The following COG5 variants were observed in gnomAD, a reference collection of about 807,000 sequenced individuals.
COG5 encodes component of oligomeric golgi complex 5, also known as conserved oligomeric Golgi complex subunit 5.
COG5 carries 86 observed loss-of-function variants against 110.4 expected under a neutral mutation model. The ratio of observed to expected loss-of-function variants is 0.78; its 90% CI spans 0.65 to 0.93. The LOEUF is 0.93. Among genes scored for constraint, COG5 ranks in the 40% least tolerant of loss-of-function variants. COG5 has a pLI of 0.00. For synonymous variants in COG5, 360 were observed against 334.6 expected (o/e 1.08, Z -0.83); for missense variants, 1,077 against 987.0 (o/e 1.09, Z -1.22).
intron 6 of COG5, among the ~76,000 whole-genome samples, chr7:107,521,967 G>A (rs1800350747): frequency 6.6e-6 from 1 of 152,148 alleles, no homozygotes; most frequent in South Asian, 2.1e-4. Flanking sequence ...CATGTCCTTG[G>A]CAGGGACATG....
intron 8 of COG5, among the ~76,000 whole-genome samples, chr7:107,369,775 C>T (rs1485039160): frequency 1.3e-5 from 2 of 152,116 alleles, no homozygotes; most frequent in Non-Finnish European, 2.9e-5. Flanking sequence ...AACACATTTT[C>T]CACCTTAGAG....
chr7:107,448,644 C>T (rs1300275077), intron 6 of COG5, among the ~76,000 whole-genome samples: 1 of 151,790 alleles, frequency 6.6e-6, no homozygotes, highest in Non-Finnish European at 1.5e-5. Context: ...TATACAGTTT[C>T]CTATTAGCTC....
chr7:107,402,564 A>G (rs1216887756), intron 7 of COG5, among the ~76,000 whole-genome samples: 2 of 152,194 alleles, frequency 1.3e-5, no homozygotes, highest in African/African-American at 4.8e-5. Context: ...TATTTTTGAA[A>G]GCTAGTTAAA....
At chr7:107,263,657 T>G (rs761875447) in intron 14 of COG5, among the ~76,000 whole-genome samples, 2 of 152,226 alleles carry the variant, frequency 1.3e-5, no homozygotes, top group Non-Finnish European at 2.9e-5. Context: ...ATAATTCTTA[T>G]GTGCAAATGA....
chr7:107,511,045 A>G (rs951605487), intron 6 of COG5, among the ~76,000 whole-genome samples: 1 of 150,358 alleles, frequency 6.7e-6, no homozygotes, highest in African/African-American at 2.4e-5. Context: ...AACTAAAATC[A>G]GAGCAGAACT....
Position 107,548,195 on chromosome 7 carries a change from A to T in COG5, c.348-15T>A. Reference sequence around the variant, plus strand: ...TTGCTTTTATCCTACAGGAAAAGAGAGGAGTGAGAATAAAATCATTTTCAG... The same window carrying T: ...TTGCTTTTATCCTACAGGAAAAGAGTGGAGTGAGAATAAAATCATTTTCAG... On this transcript the variant is annotated splice_polypyrimidine_tract_variant and intron_variant, in intron 4 of 21. Coordinates refer to ENST00000297135, the MANE Select transcript of COG5 (RefSeq NM_006348.5). The T allele has an allele frequency of 6.2e-7, 1 of 1,611,148 alleles. No homozygotes were observed. The highest frequency in any genetic ancestry group is 8.5e-7 in the Non-Finnish European group (1 of 1,177,322).
At chr7:107,537,295 T>C (rs1258603526) in intron 5 of COG5, among the ~76,000 whole-genome samples, 1 of 152,180 alleles carries the variant, frequency 6.6e-6, no homozygotes, top group African/African-American at 2.4e-5. Flanking sequence ...CACACGTATG[T>C]TTACTGCAAC....
intron 16 of COG5, among the ~76,000 whole-genome samples, chr7:107,254,507 TGC>T (rs1802742544): frequency 1.3e-5 from 2 of 152,142 alleles, no homozygotes; most frequent in Non-Finnish European, 2.9e-5. Context: ...ATGAGGCCAC[TGC>T]AGGAGGGCCT....
intron 6 of COG5, among the ~76,000 whole-genome samples, chr7:107,505,783 G>C (rs1176049872): frequency 6.6e-6 from 1 of 152,128 alleles, no homozygotes; most frequent in Non-Finnish European, 1.5e-5. Context: ...CCTTGATGTG[G>C]TACACTCTCC....
chr7:107,257,069 A>G (rs576792181), intron 15 of COG5, among the ~76,000 whole-genome samples: 1 of 152,160 alleles, frequency 6.6e-6, no homozygotes, highest in Non-Finnish European at 1.5e-5. Context: ...TTTTAATTAT[A>G]AAGTTTTAAC....
intron 21 of COG5, among the ~76,000 whole-genome samples, chr7:107,204,248 ACTGC>A (rs1177449951): frequency 6.6e-6 from 1 of 152,158 alleles, no homozygotes; most frequent in African/African-American, 2.4e-5. Context: ...GGGTTAGCAA[ACTGC>A]CTGCAGGCTG....
At chr7:107,443,603 G>C (rs1383487375) in intron 6 of COG5, among the ~76,000 whole-genome samples, 1 of 151,742 alleles carries the variant, frequency 6.6e-6, no homozygotes, top group Non-Finnish European at 1.5e-5. Context: ...ATAGAGGAGA[G>C]ACTTTAAATT....
intron 14 of COG5, among the ~76,000 whole-genome samples, chr7:107,269,269 A>G (rs1414798468): frequency 1.3e-5 from 2 of 152,096 alleles, no homozygotes; most frequent in African/African-American, 4.8e-5. Flanking sequence ...AGGTCACAAG[A>G]TTGAGACCAT....
intron 6 of COG5, among the ~76,000 whole-genome samples, chr7:107,425,029 T>C (rs1210050683): frequency 2.0e-5 from 3 of 152,142 alleles, no homozygotes; most frequent in Non-Finnish European, 4.4e-5. Flanking sequence ...CTGTGCACAA[T>C]GAACATCCAA....
At position 107,240,074 on chromosome 7, in the gene COG5, G is replaced by A. The variant is rs75485443; in HGVS notation, c.1854-3387C>T. Among the ~76,000 whole-genome samples the A allele has an allele frequency of 8.3e-3, 1,268 of 152,160 alleles. 23 individuals carry two copies. Among genetic ancestry groups the A allele is most frequent in the African/African-American group, 0.028 (1,156 of 41,506 alleles). ...AATCAGATATGAGTCACTTTACATGGACTGCAACAATTTTAATCAATGTTC... is the reference window on the plus strand; with the variant it reads ...AATCAGATATGAGTCACTTTACATGAACTGCAACAATTTTAATCAATGTTC... On this transcript the variant is annotated intron_variant, in intron 17 of 21. Coordinates refer to ENST00000297135, the MANE Select transcript of COG5 (RefSeq NM_006348.5).
chr7:107,207,346 G>A (rs1309124746), intron 21 of COG5, among the ~76,000 whole-genome samples: 1 of 152,148 alleles, frequency 6.6e-6, no homozygotes, highest in Non-Finnish European at 1.5e-5. Flanking sequence ...AGGAGCTGAG[G>A]GAATGGCTTC....
At chr7:107,383,688 G>A (rs954915329) in intron 7 of COG5, among the ~76,000 whole-genome samples, 7 of 152,146 alleles carry the variant, frequency 4.6e-5, no homozygotes, top group Non-Finnish European at 7.4e-5. Flanking sequence ...AAGGGAACCA[G>A]GGCTGCCTGT....
intron 5 of COG5, among the ~76,000 whole-genome samples, chr7:107,535,474 G>A (rs1801518082): frequency 6.7e-6 from 1 of 150,252 alleles, no homozygotes. Context: ...AATGATAAAG[G>A]GGATATCACC....
At chr7:107,343,279 G>A (rs1416700570) in intron 10 of COG5, among the ~76,000 whole-genome samples, 1 of 152,062 alleles carries the variant, frequency 6.6e-6, no homozygotes, top group Non-Finnish European at 1.5e-5. Context: ...TCACTACCTG[G>A]GGATGGGATC....
Sources: gnomAD v4.1 joint callset for allele counts (sites outside exome capture counted in the v4.1 genomes callset) on GRCh38, gnomAD v4.1.1 for gene constraint, MANE v1.5 for transcripts, NCBI Gene and HGNC (gene_info 2026-07-23, HGNC 2026-07-21) for gene names.